Variants in GABRB1 observed in about 807,000 individuals in gnomAD.
The protein encoded by GABRB1 is gamma-aminobutyric acid receptor subunit beta-1.
GABRB1 carries 17 observed loss-of-function variants against 51.6 expected under a neutral mutation model. That is an observed-to-expected ratio of 0.33 (90% confidence interval 0.23 to 0.49). The LOEUF (loss-of-function observed/expected upper bound fraction) is 0.49, where lower values mean the gene tolerates loss of function less well. Ranked by LOEUF, GABRB1 falls within the 20% of genes least tolerant of loss-of-function variation. GABRB1 has a pLI of 0.99. For missense variants in GABRB1, 410 were observed against 600.6 expected (o/e 0.68, Z 3.32); for synonymous variants, 247 against 218.9 (o/e 1.13, Z -1.14).
At chr4:47,091,682 C>G (rs972234672) in intron 3 of GABRB1, among the ~76,000 whole-genome samples, 1 of 152,192 alleles carries the variant, frequency 6.6e-6, no homozygotes, top group South Asian at 2.1e-4. Flanking sequence ...TGCACTCCCC[C>G]AATCCTGGAC....
At chr4:46,998,557 C>T (rs192335621) in intron 1 of GABRB1, among the ~76,000 whole-genome samples, 2 of 151,914 alleles carry the variant, frequency 1.3e-5, no homozygotes, top group African/African-American at 4.8e-5. Flanking sequence ...CATGCCGAAA[C>T]CCCGTCTCTA....
chr4:47,164,243 T>C (rs1718078924), intron 4 of GABRB1, among the ~76,000 whole-genome samples: 1 of 152,074 alleles, frequency 6.6e-6, no homozygotes, highest in South Asian at 2.1e-4. Context: ...TATCACCTAC[T>C]AAACGCAAAT....
intron 3 of GABRB1, among the ~76,000 whole-genome samples, chr4:47,143,401 C>T (rs942779124): frequency 6.6e-6 from 1 of 151,690 alleles, no homozygotes; most frequent in Non-Finnish European, 1.5e-5. Context: ...CATTCCGTCC[C>T]AAAATGTCAA....
At chr4:47,157,240 T>A (rs4695193) in intron 3 of GABRB1, among the ~76,000 whole-genome samples, 130,877 of 152,098 alleles carry the variant, frequency 0.86, 56,328 homozygotes, top group African/African-American at 0.9. Flanking sequence ...ACTTGTAAAC[T>A]CACCTAGAAG....
intron 4 of GABRB1, among the ~76,000 whole-genome samples, chr4:47,295,938 A>G (rs1273546389): frequency 6.6e-6 from 1 of 152,176 alleles, no homozygotes; most frequent in African/African-American, 2.4e-5. Context: ...GCCAGAAGAG[A>G]GTGGGGGCCA....
At chr4:47,331,462 T>C (rs1436531429) in intron 5 of GABRB1, among the ~76,000 whole-genome samples, 3 of 152,126 alleles carry the variant, frequency 2.0e-5, no homozygotes, top group African/African-American at 7.2e-5. Context: ...CAGTTTATTT[T>C]CCATCCATGG....
At chr4:47,376,012 G>A (rs975786481) in intron 5 of GABRB1, among the ~76,000 whole-genome samples, 8 of 152,162 alleles carry the variant, frequency 5.3e-5, no homozygotes, top group Non-Finnish European at 1.0e-4. Context: ...AAGATAACAG[G>A]TAGATTGTTG....
intron 5 of GABRB1, among the ~76,000 whole-genome samples, chr4:47,370,409 C>G (rs2110017913): frequency 6.6e-6 from 1 of 151,662 alleles, no homozygotes; most frequent in East Asian, 1.9e-4. Flanking sequence ...ATCGCTTGAG[C>G]CTGGAAAGCG....
rs183389295 is a variant in GABRB1, at chr4:47,142,754, G to A, written c.241-18495G>A. 1.1e-3 allele frequency among the ~76,000 whole-genome samples: 162 copies of A among 151,934 alleles called. 2 individuals are homozygous for A. Among genetic ancestry groups the A allele is most frequent in the African/African-American group, 3.8e-3 (156 of 41,504 alleles). ...GGAAATTGGTAATTGATAGGATGTG[G>A]GAAGCATAGACAAAGGAAAAACAGA... On this transcript the variant is annotated intron_variant, in intron 3 of 8. Transcript: ENST00000295454.
chr4:47,347,552 C>T (rs1030312726), intron 5 of GABRB1, among the ~76,000 whole-genome samples: 4 of 151,934 alleles, frequency 2.6e-5, no homozygotes, highest in Non-Finnish European at 2.9e-5. Context: ...GTTCTGCCTT[C>T]GTGGCACAAT....
At chr4:47,008,853 C>CT (rs1491180948) in intron 1 of GABRB1, among the ~76,000 whole-genome samples, 4 of 80,066 alleles carry the variant, frequency 5.0e-5, no homozygotes, top group Admixed American at 1.6e-4. Context: ...CAGATACTAC[C>CT]TTTTTTTTTT....
chr4:47,093,571 C>G (rs767337432), intron 3 of GABRB1, among the ~76,000 whole-genome samples: 3 of 152,110 alleles, frequency 2.0e-5, no homozygotes, highest in Non-Finnish European at 2.9e-5. Flanking sequence ...CCATATTTTT[C>G]TGCGTACAAC....
chr4:47,425,777 A>T lies in GABRB1; in HGVS notation c.1184A>T (p.Tyr395Phe). The T allele has an allele frequency of 6.2e-7, 1 of 1,614,038 alleles. No individual in the cohort carries two copies. The highest frequency in any genetic ancestry group is 8.5e-7 in the Non-Finnish European group (1 of 1,179,986). ...TSVSDPKATM[Y>F]SYDSASIQYR... ...GTGAGCGACCCCAAGGCCACCATGT[A>T]CTCCTATGACAGCGCCAGCATCCAG... is the stretch of plus-strand genomic sequence containing the variant. Residue 395 changes from tyrosine to phenylalanine, a missense_variant, in exon 9 of 9, where the codon TAC becomes TTC. Tyr to Phe is a conservative substitution (Grantham distance 22, BLOSUM62 3). Coordinates refer to ENST00000295454, the MANE Select transcript of GABRB1 (RefSeq NM_000812.4).
At chr4:47,009,617 G>C (rs1376187597) in intron 1 of GABRB1, among the ~76,000 whole-genome samples, 2 of 152,214 alleles carry the variant, frequency 1.3e-5, no homozygotes, top group Non-Finnish European at 2.9e-5. Flanking sequence ...GCCAGATGAT[G>C]TCAAAGTCGT....
intron 4 of GABRB1, among the ~76,000 whole-genome samples, chr4:47,165,003 A>T (rs1718111960): frequency 6.6e-6 from 1 of 152,112 alleles, no homozygotes; most frequent in Admixed American, 6.6e-5. Flanking sequence ...TAGGTGGGGA[A>T]TCTAAATAAA....
At position 47,359,880 on chromosome 4, in the gene GABRB1, A is replaced by ATAT. The variant is rs113040323; in HGVS notation, c.544+39674_544+39676dup. Among the ~76,000 whole-genome samples, 1,367 of 152,232 alleles carry ATAT rather than the reference A, an allele frequency of 9.0e-3. 22 individuals carry two copies. Among genetic ancestry groups the ATAT allele is most frequent in the African/African-American group, 0.031 (1,304 of 41,568 alleles). Reference sequence around the variant, plus strand: ...AACACCTCAATGAGATGGTGCCTGAATATTAATCCCTATACAAAGCAGATG... The same window carrying ATAT: ...AACACCTCAATGAGATGGTGCCTGAATATTATTAATCCCTATACAAAGCAGATG... On this transcript the variant is annotated intron_variant, in intron 5 of 8. Coordinates refer to ENST00000295454, the MANE Select transcript of GABRB1 (RefSeq NM_000812.4).
intron 1 of GABRB1, among the ~76,000 whole-genome samples, chr4:47,001,234 C>T (rs963440636): frequency 4.6e-5 from 7 of 152,124 alleles, no homozygotes; most frequent in African/African-American, 1.2e-4. Flanking sequence ...GCTCCGCCTC[C>T]CGGGTTCACG....
chr4:47,294,482 C>A (rs535695996), intron 4 of GABRB1, among the ~76,000 whole-genome samples: 1 of 152,244 alleles, frequency 6.6e-6, no homozygotes, highest in African/African-American at 2.4e-5. Context: ...GAGGGTCCTA[C>A]GCCCACAGTC....
At chr4:47,026,556 A>G (rs1199964425) in intron 1 of GABRB1, among the ~76,000 whole-genome samples, 1 of 152,034 alleles carries the variant, frequency 6.6e-6, no homozygotes, top group African/African-American at 2.4e-5. Flanking sequence ...ATTACCGGTA[A>G]CAGGCTTAAT....
Sources: gnomAD v4.1 joint callset for allele counts (sites outside exome capture counted in the v4.1 genomes callset) on GRCh38, gnomAD v4.1.1 for gene constraint, MANE v1.5 for transcripts, NCBI Gene and HGNC (gene_info 2026-07-23, HGNC 2026-07-21) for gene names.